Variants in ZNF438 observed in about 807,000 individuals in gnomAD.
The protein encoded by ZNF438 is zinc finger protein 438.
A neutral mutation model predicts 38.0 loss-of-function variants in ZNF438; 25 were observed. The observed-to-expected ratio is 0.66, with a 90% CI of 0.48 to 0.92. ZNF438 has a LOEUF of 0.92. Ranked by LOEUF, ZNF438 falls within the 40% of genes least tolerant of loss-of-function variation. The pLI, the probability that ZNF438 is intolerant of heterozygous loss-of-function variation, is 0.00. For missense variants in ZNF438, 1,007 were observed against 999.6 expected (o/e 1.01, Z -0.10); for synonymous variants, 372 against 364.1 (o/e 1.02, Z -0.25).
chr10:30,853,930 G>C (rs2034152618), intron 4 of ZNF438, among the ~76,000 whole-genome samples: 1 of 152,066 alleles, frequency 6.6e-6, no homozygotes, highest in African/African-American at 2.4e-5. Flanking sequence ...GGGAGGTGGA[G>C]GTTGCAGTGA....
At chr10:30,970,319 C>A (rs1494119) in intron 1 of ZNF438, among the ~76,000 whole-genome samples, 94,400 of 152,036 alleles carry the variant, frequency 0.62, 31,025 homozygotes, top group African/African-American at 0.85. Context: ...ACTGTAGAAG[C>A]TTTTGACAAC....
chr10:31,016,400 C>CT (rs1357539022), intron 1 of ZNF438, among the ~76,000 whole-genome samples: 2 of 152,152 alleles, frequency 1.3e-5, no homozygotes, highest in Non-Finnish European at 2.9e-5. Flanking sequence ...TTGATTCCTG[C>CT]TTATATCATT....
intron 3 of ZNF438, among the ~76,000 whole-genome samples, chr10:30,903,351 T>C (rs1056445199): frequency 6.6e-6 from 1 of 152,064 alleles, no homozygotes; most frequent in African/African-American, 2.4e-5. Flanking sequence ...CTGTCACCTC[T>C]CAGCTTTTAG....
chr10:30,852,117 C>T (rs189654088), intron 4 of ZNF438, among the ~76,000 whole-genome samples: 7 of 151,170 alleles, frequency 4.6e-5, no homozygotes, highest in Admixed American at 4.0e-4. Context: ...GAGCCGAGAT[C>T]GCACCACTAT....
At chr10:30,983,041 C>G (rs2052385023) in intron 1 of ZNF438, among the ~76,000 whole-genome samples, 1 of 152,192 alleles carries the variant, frequency 6.6e-6, no homozygotes, top group Non-Finnish European at 1.5e-5. Context: ...ACCACTGAGT[C>G]ACATTATTGG....
rs1201209691 is a variant in ZNF438 at position 30,845,565 on chromosome 10, T to C, written c.1883A>G (p.Lys628Arg). Residue 628 changes from lysine (K) to arginine (R), a missense_variant, in exon 6 of 6, where the codon AAG becomes AGG. Physicochemically the swap from Lys to Arg is conservative, Grantham distance 26. Coordinates refer to ENST00000413025, the Ensembl canonical transcript of ZNF438. ...AAGGAAGTCTTCTTCCAGGTTGGACTTGTTTTCCCTGAAAAGGCCAATAAT... is the reference window on the plus strand; with the variant it reads ...AAGGAAGTCTTCTTCCAGGTTGGACCTGTTTTCCCTGAAAAGGCCAATAAT... The C allele has an allele frequency of 8.1e-6, 13 of 1,607,632 alleles. No homozygotes were observed. The highest frequency in any genetic ancestry group is 1.1e-5 in the Non-Finnish European group (13 of 1,177,488).
intron 4 of ZNF438, among the ~76,000 whole-genome samples, chr10:30,864,693 C>CA (rs2036139635): frequency 6.6e-6 from 1 of 152,136 alleles, no homozygotes; most frequent in South Asian, 2.1e-4. Context: ...CTGCTGAACA[C>CA]AAAAACAGAA....
At chr10:30,964,473 C>T (rs777625144) in intron 1 of ZNF438, among the ~76,000 whole-genome samples, 2 of 152,154 alleles carry the variant, frequency 1.3e-5, no homozygotes, top group Non-Finnish European at 2.9e-5. Flanking sequence ...CTTCAGATGG[C>T]AGGAACAAGG....
chr10:31,024,957 T>C (rs2056845257), intron 1 of ZNF438, among the ~76,000 whole-genome samples: 2 of 152,184 alleles, frequency 1.3e-5, no homozygotes, highest in South Asian at 4.1e-4. Context: ...AAAATATTCA[T>C]AGCCAAAAAC....
chr10:30,971,726 A>G (rs2050758677), intron 1 of ZNF438, among the ~76,000 whole-genome samples: 1 of 152,174 alleles, frequency 6.6e-6, no homozygotes, highest in Admixed American at 6.5e-5. Context: ...CTTATGTTAC[A>G]AACTGCTTTA....
At chr10:30,909,000 A>G (rs1181634325) in exon 3 of ZNF438, 1 of 152,210 alleles carries the variant, frequency 6.6e-6, no homozygotes, top group East Asian at 1.9e-4. Flanking sequence ...AGATGTGCGT[A>G]CTTTCTTCAA....
chr10:30,890,848 T>C (rs1387884054), intron 3 of ZNF438, among the ~76,000 whole-genome samples: 1 of 152,226 alleles, frequency 6.6e-6, no homozygotes, highest in Non-Finnish European at 1.5e-5. Flanking sequence ...TCTTGATTGT[T>C]CAATTTTAGG....
At chr10:30,943,107 T>C (rs1259603890) in intron 1 of ZNF438, among the ~76,000 whole-genome samples, 1 of 152,176 alleles carries the variant, frequency 6.6e-6, no homozygotes, top group African/African-American at 2.4e-5. Context: ...GTTTTTGTCA[T>C]TGGTGCTGTT....
At chr10:30,896,470 C>G (rs1380822215) in intron 3 of ZNF438, among the ~76,000 whole-genome samples, 2 of 152,044 alleles carry the variant, frequency 1.3e-5, no homozygotes, top group African/African-American at 4.8e-5. Context: ...GATTATTCAA[C>G]TTTAAAAAGA....
intron 1 of ZNF438, among the ~76,000 whole-genome samples, chr10:30,943,018 A>T (rs891167229): frequency 2.0e-5 from 3 of 152,232 alleles, no homozygotes; most frequent in African/African-American, 7.2e-5. Context: ...TTTAAGGAGA[A>T]AAAGTGGAAT....
chr10:31,010,922 A>AAAGATTTT lies in ZNF438; in HGVS notation c.-192+20910_-192+20911insAAAATCTT, dbSNP rs1282251468. 8.8e-4 allele frequency among the ~76,000 whole-genome samples: 127 copies of AAAGATTTT among 144,470 alleles called. 3 individuals carry two copies. The highest frequency in any genetic ancestry group is 3.0e-3 in the African/African-American group (117 of 38,520). 94.8% of individuals were successfully genotyped at this position (144,470 alleles called of 152,430 possible). On this transcript the variant is annotated intron_variant, in intron 1 of 5. Coordinates refer to ENST00000413025, the Ensembl canonical transcript of ZNF438. ...AAAAAAAAAAAAAAAAAAAAAAAAA[A>AAAGATTTT]GATTTTGTTGAGAAGGACAGACAGA...
chr10:31,027,764 C>T (rs2057035868), intron 1 of ZNF438, among the ~76,000 whole-genome samples: 1 of 151,992 alleles, frequency 6.6e-6, no homozygotes, highest in East Asian at 1.9e-4. Context: ...AGATGGCACC[C>T]CTCTACATTT....
intron 1 of ZNF438, among the ~76,000 whole-genome samples, chr10:30,950,624 A>G (rs1294805536): frequency 1.2e-4 from 18 of 150,372 alleles, no homozygotes; most frequent in Non-Finnish European, 2.5e-4. Flanking sequence ...AAACACCTCT[A>G]TGCAAATAAA....
intron 2 of ZNF438, among the ~76,000 whole-genome samples, chr10:30,930,243 C>T (rs1252004671): frequency 6.6e-6 from 1 of 151,990 alleles, no homozygotes; most frequent in African/African-American, 2.4e-5. Context: ...TGAGACCCGG[C>T]AAGAATTCAA....
Sources: allele counts gnomAD v4.1 joint callset (sites outside exome capture counted in the v4.1 genomes callset), GRCh38; gene constraint gnomAD v4.1.1; transcripts MANE v1.5; gene names NCBI Gene and HGNC (gene_info 2026-07-23, HGNC 2026-07-21).